Variants in ITFG1 observed in about 807,000 individuals in gnomAD.
The protein encoded by ITFG1 is integrin alpha FG-GAP repeat containing 1.
ITFG1 carries 34 observed loss-of-function variants against 81.8 expected under a neutral mutation model. The ratio of observed to expected loss-of-function variants is 0.42; its 90% confidence interval spans 0.32 to 0.55. The LOEUF (loss-of-function observed/expected upper bound fraction) is 0.55, where lower values mean the gene tolerates loss of function less well. Ranked by LOEUF, ITFG1 falls within the 20% of genes least tolerant of loss-of-function variation. The pLI is 0.17. For synonymous variants in ITFG1, 285 were observed against 270.6 expected, an observed-to-expected ratio of 1.05 and a Z score of -0.52; for missense variants, 672 against 755.4, an observed-to-expected ratio of 0.89 and a Z score of 1.29.
chr16:47,329,452 C>G (rs192138311), intron 8 of ITFG1, among the ~76,000 whole-genome samples: 1 of 152,138 alleles, frequency 6.6e-6, no homozygotes, highest in Non-Finnish European at 1.5e-5. Context: ...AAGTTCATCA[C>G]AAGGACTTGA....
At chr16:47,200,558 C>G (rs1190889399) in intron 14 of ITFG1, among the ~76,000 whole-genome samples, 1 of 152,152 alleles carries the variant, frequency 6.6e-6, no homozygotes, top group Non-Finnish European at 1.5e-5. Flanking sequence ...TATGGAGAAG[C>G]TGAATTACTT....
chr16:47,440,333 G>T (rs915452779), intron 5 of ITFG1, among the ~76,000 whole-genome samples: 2 of 152,134 alleles, frequency 1.3e-5, no homozygotes, highest in African/African-American at 4.8e-5. Flanking sequence ...GCACCAAGCG[G>T]ACCTAATAGA....
intron 12 of ITFG1, among the ~76,000 whole-genome samples, chr16:47,247,075 C>T (rs981348631): frequency 7.9e-5 from 12 of 152,146 alleles, no homozygotes; most frequent in African/African-American, 1.9e-4. Flanking sequence ...TGAGCCACCA[C>T]GCATGGCCTA....
intron 10 of ITFG1, among the ~76,000 whole-genome samples, chr16:47,296,852 G>T (rs1438360563): frequency 1.3e-5 from 2 of 152,156 alleles, no homozygotes; most frequent in Non-Finnish European, 2.9e-5. Context: ...CTTGCTTTGT[G>T]GTAACATATG....
At chr16:47,419,482 G>C (rs1567493593) in intron 6 of ITFG1, among the ~76,000 whole-genome samples, 2 of 152,002 alleles carry the variant, frequency 1.3e-5, no homozygotes. Flanking sequence ...ATGTTGCCCA[G>C]GCTGGTCTTG....
At chr16:47,289,668 G>C (rs1353167965) in intron 10 of ITFG1, among the ~76,000 whole-genome samples, 1 of 151,950 alleles carries the variant, frequency 6.6e-6, no homozygotes, top group Non-Finnish European at 1.5e-5. Flanking sequence ...AATGGTCCTT[G>C]TATTTCTGTG....
intron 6 of ITFG1, among the ~76,000 whole-genome samples, chr16:47,399,250 C>A (rs1335547989): frequency 6.6e-6 from 1 of 152,334 alleles, no homozygotes; most frequent in African/African-American, 2.4e-5. Context: ...AGGAGACACA[C>A]CTTTGTAGAC....
intron 13 of ITFG1, among the ~76,000 whole-genome samples, chr16:47,231,792 C>A (rs1214361098): frequency 6.6e-6 from 1 of 152,108 alleles, no homozygotes; most frequent in Non-Finnish European, 1.5e-5. Flanking sequence ...ATGTGATAGG[C>A]AGAATAATGG....
Position 47,460,948 on chromosome 16 carries a change from G to A in ITFG1, c.98C>T (p.Ala33Val), listed in dbSNP as rs1190521711. The change falls in exon 1 of 18, where the codon GCG (alanine) becomes GTG (valine). Residue 33 changes from alanine (A) to valine (V), a missense_variant. Physicochemically the swap from Ala to Val is moderately conservative, Grantham distance 64. Coordinates refer to ENST00000320640, the MANE Select transcript of ITFG1 (RefSeq NM_030790.5). ...GAGCTCGGCCGTGACGTTGTGCAGC[G>A]CCCGCGCTGGGACCGGCCCGACTCC... ...LLGVGPVPAR[A>V]LHNVTAELFG... is the part of the protein sequence containing the mutation. 1 of 1,609,890 alleles carries A rather than the reference G, an allele frequency of 6.2e-7. No homozygotes were observed. Among genetic ancestry groups the A allele is most frequent in the Non-Finnish European group, 8.5e-7 (1 of 1,178,566 alleles).
chr16:47,355,175 T>C (rs549952147), intron 8 of ITFG1, among the ~76,000 whole-genome samples: 4 of 151,912 alleles, frequency 2.6e-5, no homozygotes, highest in Non-Finnish European at 4.4e-5. Context: ...TAAAAAAAAA[T>C]GTGGTATCTA....
rs994633353 is a variant in ITFG1, at chr16:47,348,390, T to C, written c.802+17398A>G. Among the ~76,000 whole-genome samples the C allele has an allele frequency of 2.6e-5, 4 of 152,116 alleles. No homozygotes were observed. The East Asian group carries it at 7.7e-4, about 29-fold the overall frequency. On this transcript the variant is annotated intron_variant, in intron 8 of 17. Transcript: ENST00000320640. ...AAGGACCTGATGGAGCTGAAAACCATGCACAAGAACTACGTGACAAATGCA... is the reference window on the plus strand; with the variant it reads ...AAGGACCTGATGGAGCTGAAAACCACGCACAAGAACTACGTGACAAATGCA...
At position 47,387,820 on chromosome 16, in the gene ITFG1, G is replaced by A. The variant is rs966156321; in HGVS notation, c.656-11880C>T. On this transcript the variant is annotated intron_variant, in intron 6 of 17. Coordinates refer to ENST00000320640, the MANE Select transcript of ITFG1 (RefSeq NM_030790.5). ...ATGAGACCCATAAAGAAACAGGAAA[G>A]TATAATCCATATACAAGAAAACAGA... is the stretch of plus-strand genomic sequence containing the variant. Among the ~76,000 whole-genome samples, 4 of 152,060 alleles carry A rather than the reference G, an allele frequency of 2.6e-5. 1 individual carries two copies. The highest frequency in any genetic ancestry group is 3.4e-3 in the Middle Eastern group (1 of 294).
intron 13 of ITFG1, among the ~76,000 whole-genome samples, chr16:47,230,301 A>G (rs1372182761): frequency 1.3e-5 from 2 of 152,144 alleles, no homozygotes; most frequent in Non-Finnish European, 2.9e-5. Context: ...GCAGCCGAGA[A>G]AAGGGAGTGT....
intron 14 of ITFG1, among the ~76,000 whole-genome samples, chr16:47,171,920 G>C (rs1964967844): frequency 6.6e-6 from 1 of 152,028 alleles, no homozygotes; most frequent in Non-Finnish European, 1.5e-5. Context: ...CACAGAATTT[G>C]GTTAGAGATT....
chr16:47,444,663 T>C (rs1969299964), intron 5 of ITFG1, among the ~76,000 whole-genome samples: 1 of 152,196 alleles, frequency 6.6e-6, no homozygotes, highest in South Asian at 2.1e-4. Flanking sequence ...CTTGATATGA[T>C]TTTATAAAAT....
intron 11 of ITFG1, among the ~76,000 whole-genome samples, chr16:47,259,151 G>A (rs1966175914): frequency 1.3e-5 from 2 of 152,210 alleles, no homozygotes; most frequent in South Asian, 4.1e-4. Context: ...TTTGTCGAAG[G>A]AAATAAATGT....
intron 10 of ITFG1, among the ~76,000 whole-genome samples, chr16:47,303,230 C>T (rs1206543251): frequency 1.3e-5 from 2 of 151,894 alleles, no homozygotes; most frequent in African/African-American, 4.8e-5. Context: ...GAGATCGCAC[C>T]ACTGCACTCC....
rs190179368 is a variant in ITFG1 at position 47,222,929 on chromosome 16, C to T, written c.1375-3983G>A. 3.3e-5 allele frequency among the ~76,000 whole-genome samples: 5 copies of T among 152,110 alleles called. No individual in the cohort carries two copies. The East Asian group carries it at 5.8e-4, about 18-fold the overall frequency. ...TAGATGTCTATTTAGGAAATAACGC[C>T]GTATATCTACAACTATCTGATCTTT... On this transcript the variant is annotated intron_variant, in intron 13 of 17. Coordinates refer to ENST00000320640, the MANE Select transcript of ITFG1 (RefSeq NM_030790.5).
At chr16:47,357,390 G>C (rs146651697) in intron 8 of ITFG1, among the ~76,000 whole-genome samples, 1,676 of 152,052 alleles carry the variant, frequency 0.011, 35 homozygotes, top group African/African-American at 0.038. Flanking sequence ...TGAGGTGGGC[G>C]GATCGTGAGG....
Sources: allele counts gnomAD v4.1 joint callset (sites outside exome capture counted in the v4.1 genomes callset), GRCh38; gene constraint gnomAD v4.1.1; transcripts MANE v1.5; gene names NCBI Gene and HGNC (gene_info 2026-07-23, HGNC 2026-07-21).